The following TSPEAR variants were observed in gnomAD, a reference collection of about 807,000 sequenced individuals.
TSPEAR encodes thrombospondin type laminin G domain and EAR repeats.
TSPEAR carries 69 observed loss-of-function variants against 71.6 expected under a neutral mutation model. That is an observed-to-expected ratio of 0.96 (90% confidence interval 0.79 to 1.18). TSPEAR has a LOEUF of 1.18. TSPEAR is among the 50% of genes most tolerant of loss of function. TSPEAR has a pLI of 0.00. For synonymous variants in TSPEAR, 402 were observed against 387.2 expected, an observed-to-expected ratio of 1.04 and a Z score of -0.45; for missense variants, 971 against 894.9, an observed-to-expected ratio of 1.09 and a Z score of -1.09.
At chr21:44,590,260 T>C (rs951145599) in intron 1 of TSPEAR, among the ~76,000 whole-genome samples, 1 of 152,250 alleles carries the variant, frequency 6.6e-6, no homozygotes, top group Admixed American at 6.5e-5. Context: ...CAGCGGCTCG[T>C]ACCACTCGCC....
chr21:44,574,965 C>T (rs75473696), intron 1 of TSPEAR: 42,783 of 1,612,618 alleles, frequency 0.027, 665 homozygotes, highest in Non-Finnish European at 0.03. Context: ...CCTCCTCTGA[C>T]GCCCCGTGTG....
At position 44,711,471 on chromosome 21, in the gene TSPEAR, G is replaced by A. The variant is rs150107590; in HGVS notation, c.44C>T (p.Ala15Val). The change falls in exon 1 of 12, where the codon GCC (alanine) becomes GTC (valine). Residue 15 changes from alanine (A) to valine (V), a missense_variant. Transcript: ENST00000323084. This position sits in a 1 kb window ranked among gnomAD's most constrained non-coding sequence, Gnocchi z 4.5. ...CCAACCCTGCGTGCCGTGGCCGGGG[G>A]CCGCCAGGGGCAGCACAAAACACAG... The part of the protein sequence containing the change: ...LSLCFVLPLA[A>V]PGHGTQGWEP... 3,982 of 1,611,590 alleles carry A rather than the reference G, an allele frequency of 2.5e-3. 11 individuals carry two copies. The highest frequency in any genetic ancestry group is 6.8e-3 in the Middle Eastern group (41 of 6,060).
In TSPEAR at chr21:44,655,412, G is replaced by A. The variant is rs151159403; in HGVS notation, c.82+56021C>T. 2.4e-3 allele frequency among the ~76,000 whole-genome samples: 369 copies of A among 152,306 alleles called. 3 individuals carry two copies. Among genetic ancestry groups the A allele is most frequent in the African/African-American group, 7.8e-3 (323 of 41,556 alleles). ...GGACGAAAACATCAGCCACGTTGGC[G>A]TCTGCAGAGCATGGCTCAGGCGTGT... On this transcript the variant is annotated intron_variant, in intron 1 of 11. Transcript: ENST00000323084.
Position 44,504,786 on chromosome 21 carries a change from A to G in TSPEAR, c.1850T>C (p.Ile617Thr), listed in dbSNP as rs587725311. The change falls in exon 11 of 12, where the codon ATT (isoleucine) becomes ACT (threonine). Residue 617 changes from isoleucine to threonine, a missense_variant. Transcript: ENST00000323084. ...DGRTFSVNSI[I>T]YRWQGYEGFV... ...GGCCTCGGCAGCTCATTACCTGTAA[A>G]TAATACTGTTCACCGAGAAGGTACG... 1.2e-6 allele frequency: 2 copies of G among 1,613,330 alleles called. No homozygotes were observed. The highest frequency in any genetic ancestry group is 1.3e-5 in the African/African-American group (1 of 75,006).
intron 1 of TSPEAR, among the ~76,000 whole-genome samples, chr21:44,696,448 G>A (rs540213867): frequency 1.1e-4 from 16 of 152,318 alleles, no homozygotes; most frequent in African/African-American, 3.6e-4. Context: ...TTCTCCATCT[G>A]TAGAGTGGGG....
At chr21:44,539,226 C>G (rs782321048) in intron 2 of TSPEAR, 10 of 1,560,234 alleles carry the variant, frequency 6.4e-6, no homozygotes, top group Non-Finnish European at 8.6e-6. Flanking sequence ...GCCACCTAAC[C>G]CAGGTCAGGA....
At chr21:44,676,073 A>C (rs1377564813) in intron 1 of TSPEAR, 8 of 872,940 alleles carry the variant, frequency 9.2e-6, no homozygotes, top group African/African-American at 8.2e-5. Flanking sequence ...GGCATATGAC[A>C]GTAATTTAAA....
rs555240305 is a variant in TSPEAR, at chr21:44,710,079, C to T, written c.82+1354G>A. ...TACATGTCTGTGACTCATGCCCCCC[C>T]ACCCCCACTCCAGGGTGTGCTGAGG... On this transcript the variant is annotated intron_variant, in intron 1 of 11. Coordinates refer to ENST00000323084, the MANE Select transcript of TSPEAR (RefSeq NM_144991.3). This position sits in a 1 kb window ranked among gnomAD's most constrained non-coding sequence, Gnocchi z 4.6. Among the ~76,000 whole-genome samples the T allele has an allele frequency of 2.6e-5, 4 of 152,210 alleles. No individual in the cohort carries two copies. The highest frequency in any genetic ancestry group is 6.5e-5 in the Admixed American group (1 of 15,288).
chr21:44,674,800 G>A (rs1385293666), intron 1 of TSPEAR, among the ~76,000 whole-genome samples: 1 of 146,912 alleles, frequency 6.8e-6, no homozygotes, highest in Non-Finnish European at 1.5e-5. Flanking sequence ...CATTACCAGA[G>A]ACTATGCTCT....
At chr21:44,574,604 G>A (rs1357140662) in intron 1 of TSPEAR, 5 of 1,298,432 alleles carry the variant, frequency 3.9e-6, no homozygotes, top group Non-Finnish European at 5.1e-6. Context: ...TGTGCTGCAA[G>A]CCTGTCTGCT....
intron 11 of TSPEAR, 143 bp downstream of exon 11, chr21:44,504,637 A>G (rs2052151771): frequency 3.6e-6 from 1 of 275,862 alleles, no homozygotes; most frequent in Non-Finnish European, 6.4e-6. Context: ...GTGAGCCCAC[A>G]GTGGGGAAGC....
intron 2 of TSPEAR, among the ~76,000 whole-genome samples, chr21:44,545,022 TA>T (rs587772545): frequency 0.049 from 6,972 of 142,558 alleles, 382 homozygotes; most frequent in African/African-American, 0.14. Context: ...TCTCTGTAAT[TA>T]AAAAAAAAAA....
At chr21:44,511,798 A>G (rs1461629446) in intron 9 of TSPEAR, among the ~76,000 whole-genome samples, 12 of 152,246 alleles carry the variant, frequency 7.9e-5, no homozygotes, top group African/African-American at 2.9e-4. Context: ...TCTCAGGGAA[A>G]GGCCCGGAGT....
chr21:44,677,980 G>A (rs1161663436), intron 1 of TSPEAR: 1 of 1,112,414 alleles, frequency 9.0e-7, no homozygotes, highest in Non-Finnish European at 1.4e-6. Flanking sequence ...AGAGCTGCCT[G>A]AAGTAGAGTA....
intron 1 of TSPEAR, among the ~76,000 whole-genome samples, chr21:44,689,738 T>TATATATATATATATA (rs1987043844): frequency 1.6e-5 from 2 of 128,584 alleles, no homozygotes; most frequent in Admixed American, 7.9e-5. Flanking sequence ...TATATATATA[T>TATATATATATATATA]ATTTTGGGGG....
intron 8 of TSPEAR, among the ~76,000 whole-genome samples, chr21:44,524,096 GAGGTAGTC>G (rs1336839343): frequency 2.2e-4 from 33 of 150,202 alleles, no homozygotes; most frequent in African/African-American, 6.4e-4. Context: ...GTCAATAAGT[GAGGTAGTC>G]AGGTAGTCAG....
At chr21:44,606,667 C>T (rs1981335825) in intron 1 of TSPEAR, among the ~76,000 whole-genome samples, 1 of 152,172 alleles carries the variant, frequency 6.6e-6, no homozygotes, top group Non-Finnish European at 1.5e-5. Context: ...GGCATATATA[C>T]ACAATGGAAT....
chr21:44,679,889 A>T lies in TSPEAR; in HGVS notation c.82+31544T>A, dbSNP rs960935668. 2.0e-5 allele frequency among the ~76,000 whole-genome samples: 3 copies of T among 152,238 alleles called. No homozygotes were observed. The East Asian group carries it at 5.8e-4, about 29-fold the overall frequency. Reference sequence around the variant, plus strand: ...CTCATCATATACAGAAATCAACTCAAGATGTATCAAAGCCTTAAACATAAG... The same window carrying T: ...CTCATCATATACAGAAATCAACTCATGATGTATCAAAGCCTTAAACATAAG... On this transcript the variant is annotated intron_variant, in intron 1 of 11. Coordinates refer to ENST00000323084, the MANE Select transcript of TSPEAR (RefSeq NM_144991.3).
chr21:44,660,550 T>C (rs1342735190), intron 1 of TSPEAR, among the ~76,000 whole-genome samples: 1 of 152,238 alleles, frequency 6.6e-6, no homozygotes, highest in African/African-American at 2.4e-5. Flanking sequence ...AAACACTTTT[T>C]CAGATGAACA....
Sources: gnomAD v4.1 joint callset for allele counts (sites outside exome capture counted in the v4.1 genomes callset) on GRCh38, gnomAD v4.1.1 for gene constraint, Gnocchi (gnomAD v3.1) non-coding constraint, MANE v1.5 for transcripts, NCBI Gene and HGNC (gene_info 2026-07-23, HGNC 2026-07-21) for gene names.